Variants in LSM6 observed in about 807,000 individuals in gnomAD.
The protein encoded by LSM6 is LSM6 homolog, U6 small nuclear RNA and mRNA degradation associated.
Under a neutral mutation model 13.5 loss-of-function variants are expected in LSM6, and 2 were observed. The observed-to-expected ratio is 0.15, with a 90% CI of 0.06 to 0.47. The LOEUF is 0.47. Ranked by LOEUF, LSM6 falls within the 20% of genes least tolerant of loss-of-function variation. LSM6 has a pLI of 0.97. For synonymous variants in LSM6, 43 were observed against 34.9 expected (o/e 1.23, Z -0.82); for missense variants, 58 against 96.4 (o/e 0.60, Z 1.67).
At chr4:146,180,429 T>C (rs1306716430) in intron 1 of LSM6, among the ~76,000 whole-genome samples, 4 of 152,222 alleles carry the variant, frequency 2.6e-5, no homozygotes, top group African/African-American at 7.2e-5. Context: ...CAAGGCGTTA[T>C]CTTTGGTGAG....
In LSM6 at chr4:146,188,557, A is replaced by G. The variant is rs144507644; in HGVS notation, c.209-1065A>G. ...TTGACTTATTTGATTCATCTGTGCT[A>G]TGTTCTTTGATGAAGACACCTTACT... is the stretch of plus-strand genomic sequence containing the variant. On this transcript the variant is annotated intron_variant, in intron 3 of 3. Transcript: ENST00000296581. 5.9e-5 allele frequency among the ~76,000 whole-genome samples: 9 copies of G among 152,270 alleles called. No individual in the cohort carries two copies. In the East Asian group the frequency reaches 1.7e-3, roughly 29 times the overall value.
rs1445975876 is a variant in LSM6, at chr4:146,190,346, G to C, written c.*690G>C. 6.6e-6 allele frequency: 1 copy of C among 152,242 alleles called. No homozygotes were observed. Among genetic ancestry groups the C allele is most frequent in the Non-Finnish European group, 1.5e-5 (1 of 68,122 alleles). The allele number at this position is 152,242 out of a possible 1,614,324, so 9.4% of individuals were successfully genotyped here. Reference sequence around the variant, plus strand: ...CTCCTTATGCAATTAGACTTTTTAGGTTTCCCTGCTCCCTTTCAGGAGCAT... The same window carrying C: ...CTCCTTATGCAATTAGACTTTTTAGCTTTCCCTGCTCCCTTTCAGGAGCAT... On this transcript the variant is annotated 3_prime_UTR_variant, in exon 4 of 4. Transcript: ENST00000296581.
intron 3 of LSM6, among the ~76,000 whole-genome samples, chr4:146,189,381 A>T (rs1730419317): frequency 6.6e-6 from 1 of 152,244 alleles, no homozygotes; most frequent in African/African-American, 2.4e-5. Flanking sequence ...CTTCCTGGTC[A>T]CACTTTAAAG....
intron 2 of LSM6, among the ~76,000 whole-genome samples, chr4:146,184,432 G>A (rs144105154): frequency 6.6e-6 from 1 of 152,248 alleles, no homozygotes; most frequent in Non-Finnish European, 1.5e-5. Context: ...CATAAGCCTT[G>A]TTAAGAAACC....
At chr4:146,185,278 A>G (rs144898321) in intron 2 of LSM6, among the ~76,000 whole-genome samples, 120 of 152,092 alleles carry the variant, frequency 7.9e-4, no homozygotes, top group African/African-American at 2.8e-3. Flanking sequence ...ATCTTTTCCA[A>G]TCTAATTGGC....
At chr4:146,176,057 C>G (rs953091870) in intron 1 of LSM6, 6 of 152,302 alleles carry the variant, frequency 3.9e-5, no homozygotes, top group Non-Finnish European at 5.9e-5. Flanking sequence ...TGATGGTGGG[C>G]GCCGGGACCG....
At chr4:146,176,883 T>A (rs748391160) in intron 1 of LSM6, among the ~76,000 whole-genome samples, 1 of 152,176 alleles carries the variant, frequency 6.6e-6, no homozygotes, top group South Asian at 2.1e-4. Context: ...GAAGTGAAAT[T>A]ATCAGATTAG....
intron 2 of LSM6, 55 bp downstream of exon 2, chr4:146,183,070 T>TA: frequency 7.9e-7 from 1 of 1,270,104 alleles, no homozygotes; most frequent in Non-Finnish European, 1.2e-6. Flanking sequence ...AAATGTGACT[T>TA]ACTGATATTT....
At chr4:146,179,237 T>G (rs1429042722) in intron 1 of LSM6, among the ~76,000 whole-genome samples, 1 of 152,238 alleles carries the variant, frequency 6.6e-6, no homozygotes, top group Admixed American at 6.5e-5. Flanking sequence ...AGGGTGACCC[T>G]GAAGAAAGGT....
rs200257820 is a variant in LSM6, at chr4:146,186,703, CTG to C, written c.95-568_95-567del. ...CCCTATATTCTCAAGCTGCTCTTCA[CTG>C]TGAGTCACAGCTTTAAGATGTTCTT... On this transcript the variant is annotated intron_variant, in intron 2 of 3. Transcript: ENST00000296581. Among the ~76,000 whole-genome samples the C allele has an allele frequency of 1.2e-4, 19 of 152,356 alleles. No individual in the cohort carries two copies. The East Asian group carries it at 3.1e-3, about 25-fold the overall frequency.
At chr4:146,187,145 T>C (rs1730367443) in intron 2 of LSM6, 129 bp from the exon 3 acceptor site, 1 of 591,018 alleles carries the variant, frequency 1.7e-6, no homozygotes, top group East Asian at 2.8e-5. Flanking sequence ...GTTTCATTTA[T>C]GGTGTGAATT....
At chr4:146,179,550 TAGA>T (rs1730186147) in intron 1 of LSM6, among the ~76,000 whole-genome samples, 1 of 152,154 alleles carries the variant, frequency 6.6e-6, no homozygotes, top group Non-Finnish European at 1.5e-5. Context: ...CAAATAACCT[TAGA>T]AGTATTTTTT....
At chr4:146,186,547 T>TA (rs1350544773) in intron 2 of LSM6, among the ~76,000 whole-genome samples, 2 of 152,200 alleles carry the variant, frequency 1.3e-5, no homozygotes, top group Non-Finnish European at 1.5e-5. Context: ...TTAACACAAT[T>TA]AAAGATTGAC....
chr4:146,186,584 C>G (rs561704675), intron 2 of LSM6, among the ~76,000 whole-genome samples: 3 of 152,110 alleles, frequency 2.0e-5, no homozygotes, highest in African/African-American at 7.2e-5. Flanking sequence ...AAAGCTCCCT[C>G]GAATGTTTTT....
At chr4:146,178,372 GGA>G (rs1323966759) in intron 1 of LSM6, among the ~76,000 whole-genome samples, 3 of 152,308 alleles carry the variant, frequency 2.0e-5, no homozygotes, top group Admixed American at 1.3e-4. Flanking sequence ...TTCGCCTTTG[GGA>G]GAGAGGGAGA....
intron 2 of LSM6, among the ~76,000 whole-genome samples, chr4:146,186,839 A>G (rs919848876): frequency 6.6e-6 from 1 of 152,230 alleles, no homozygotes; most frequent in Non-Finnish European, 1.5e-5. Context: ...AAAGAATGAA[A>G]TAAATCTGCC....
rs1051648833 is a variant in LSM6, at chr4:146,189,604, G to A, written c.209-18G>A. On this transcript the variant is annotated intron_variant, in intron 3 of 3. Transcript: ENST00000296581. ...CAGGGTTTTTTAAATTTCAATTTAT[G>A]TATTTTTTTCTTTTCAGTGTTGTAC... 1 of 1,552,168 alleles carries A rather than the reference G, an allele frequency of 6.4e-7. No homozygotes were observed.
intron 1 of LSM6, among the ~76,000 whole-genome samples, chr4:146,178,326 ACTGAGAGTGGAAAGAGGTGCT>A (rs1389580832): frequency 6.6e-6 from 1 of 152,216 alleles, no homozygotes; most frequent in Non-Finnish European, 1.5e-5. Context: ...AAGGGCCATG[ACTGAGAGTGGAAAGAGGTGCT>A]CTGAGTGGAC....
At chr4:146,184,330 C>T (rs945411440) in intron 2 of LSM6, among the ~76,000 whole-genome samples, 3 of 151,988 alleles carry the variant, frequency 2.0e-5, no homozygotes, top group African/African-American at 7.3e-5. Context: ...AATTAATAGT[C>T]ATAGTAATCT....
Sources: gnomAD v4.1 joint callset for allele counts (sites outside exome capture counted in the v4.1 genomes callset) on GRCh38, gnomAD v4.1.1 for gene constraint, MANE v1.5 for transcripts, NCBI Gene and HGNC (gene_info 2026-07-23, HGNC 2026-07-21) for gene names.